PSD3: variants seen among roughly 807,000 people sequenced by gnomAD.
The protein encoded by PSD3 is PH and SEC7 domain-containing protein 3.
In PSD3, 49 loss-of-function variants were observed where a neutral mutation model predicts 105.5. The ratio of observed to expected loss-of-function variants is 0.46; its 90% CI spans 0.37 to 0.59. The LOEUF (loss-of-function observed/expected upper bound fraction) is 0.59. Among genes scored for constraint, PSD3 ranks in the 20% least tolerant of loss-of-function variants. The pLI, the probability that PSD3 is intolerant of heterozygous loss-of-function variation, is 0.00. For missense variants in PSD3, 1,561 were observed against 1,263.8 expected (o/e 1.24, Z -3.57); for synonymous variants, 557 against 457.8 (o/e 1.22, Z -2.77).
At chr8:18,915,582 C>G (rs1224754848) in intron 2 of PSD3, among the ~76,000 whole-genome samples, 1 of 152,130 alleles carries the variant, frequency 6.6e-6, no homozygotes, top group Non-Finnish European at 1.5e-5. Context: ...ACAGACATGT[C>G]TCAAAAGAAG....
At position 18,556,367 on chromosome 8, in the gene PSD3, G is replaced by A. The variant is rs1247889760; in HGVS notation, c.2785-15C>T. On this transcript the variant is annotated splice_polypyrimidine_tract_variant and intron_variant, in intron 14 of 15. Transcript: ENST00000327040. Reference sequence around the variant, plus strand: ...AGTTGCTCCTCCTGCAGGAAATCATGATGCCATTTAGCGTTCAAAAAAAAA... The same window carrying A: ...AGTTGCTCCTCCTGCAGGAAATCATAATGCCATTTAGCGTTCAAAAAAAAA... The A allele has an allele frequency of 6.2e-6, 10 of 1,603,820 alleles. No individual in the cohort carries two copies. The highest frequency in any genetic ancestry group is 8.5e-6 in the Non-Finnish European group (10 of 1,176,998).
chr8:18,623,467 A>G (rs1048320755), intron 11 of PSD3, among the ~76,000 whole-genome samples: 4 of 149,398 alleles, frequency 2.7e-5, no homozygotes, highest in Non-Finnish European at 4.5e-5. Flanking sequence ...AAAAAAAAAA[A>G]AAAGAAAAAG....
intron 9 of PSD3, among the ~76,000 whole-genome samples, chr8:18,676,063 T>C (rs77213166): frequency 0.025 from 3,758 of 152,264 alleles, 168 homozygotes; most frequent in East Asian, 0.15. Context: ...CGGCAGTGAC[T>C]ATCTTTAAAA....
At chr8:18,970,324 CAAAAAAA>C (rs11450922) in intron 1 of PSD3, among the ~76,000 whole-genome samples, 14 of 45,308 alleles carry the variant, frequency 3.1e-4, no homozygotes, top group East Asian at 1.5e-3. Context: ...GACTCTGCCT[CAAAAAAA>C]AAAAAAAAAA....
At chr8:18,651,326 A>G (rs1238369862) in intron 10 of PSD3, among the ~76,000 whole-genome samples, 2 of 152,190 alleles carry the variant, frequency 1.3e-5, no homozygotes, top group Non-Finnish European at 2.9e-5. Context: ...AACACTCAAT[A>G]ATTCTATCGT....
At chr8:18,933,227 T>TGCCTC (rs1821859665) in intron 2 of PSD3, among the ~76,000 whole-genome samples, 1 of 152,216 alleles carries the variant, frequency 6.6e-6, no homozygotes, top group African/African-American at 2.4e-5. Context: ...CATTTTGGTT[T>TGCCTC]GCCTCGGCTA....
intron 2 of PSD3, among the ~76,000 whole-genome samples, chr8:18,917,721 C>G (rs961536378): frequency 3.3e-5 from 5 of 152,102 alleles, no homozygotes; most frequent in Admixed American, 6.5e-5. Flanking sequence ...CCTTGCATTC[C>G]TGCTCTCAGG....
intron 4 of PSD3, chr8:18,854,369 C>T (rs1291570884): frequency 6.6e-6 from 1 of 152,502 alleles, no homozygotes; most frequent in Non-Finnish European, 1.5e-5. Context: ...AACACAGCTT[C>T]CCTCCAAGAG....
intron 9 of PSD3, among the ~76,000 whole-genome samples, chr8:18,750,649 G>A (rs532151388): frequency 1.3e-5 from 2 of 152,198 alleles, no homozygotes; most frequent in South Asian, 4.1e-4. Flanking sequence ...CCCACATCCT[G>A]CTGATTGGTA....
chr8:18,643,317 AAT>A (rs1563413735), intron 10 of PSD3, among the ~76,000 whole-genome samples: 1 of 152,198 alleles, frequency 6.6e-6, no homozygotes. Context: ...AGCCTTGCCT[AAT>A]GGTTGGGGGA....
intron 9 of PSD3, among the ~76,000 whole-genome samples, chr8:18,686,342 T>G (rs964499661): frequency 3.3e-5 from 5 of 152,236 alleles, no homozygotes; most frequent in Admixed American, 6.5e-5. Flanking sequence ...AGAGCCAGCA[T>G]GCAGATTCTC....
At chr8:18,644,052 G>T (rs1807851461) in intron 10 of PSD3, among the ~76,000 whole-genome samples, 1 of 152,168 alleles carries the variant, frequency 6.6e-6, no homozygotes, top group South Asian at 2.1e-4. Flanking sequence ...AAACCATTCT[G>T]CCCTCCTACA....
intron 9 of PSD3, among the ~76,000 whole-genome samples, chr8:18,716,730 T>C (rs1402868510): frequency 6.6e-6 from 1 of 152,228 alleles, no homozygotes; most frequent in African/African-American, 2.4e-5. Flanking sequence ...TGTAGTTCTA[T>C]AAACTGTTCT....
chr8:19,078,220 T>C (rs183922797), intron 1 of PSD3, among the ~76,000 whole-genome samples: 4 of 152,050 alleles, frequency 2.6e-5, no homozygotes, highest in East Asian at 3.9e-4. Flanking sequence ...CTTTCAAAGA[T>C]AAAATTTTTA....
At chr8:18,883,234 T>C (rs1400255518) in intron 2 of PSD3, among the ~76,000 whole-genome samples, 12 of 152,308 alleles carry the variant, frequency 7.9e-5, no homozygotes, top group Admixed American at 6.5e-4. Context: ...AATGCCTACT[T>C]TTTTATTTTA....
At chr8:18,725,326 A>C (rs1266443791) in intron 9 of PSD3, among the ~76,000 whole-genome samples, 8 of 152,250 alleles carry the variant, frequency 5.3e-5, no homozygotes. Flanking sequence ...CAGAAATATC[A>C]AAAGGAGAAA....
intron 1 of PSD3, among the ~76,000 whole-genome samples, chr8:18,991,847 T>G (rs1825823840): frequency 6.6e-6 from 1 of 152,210 alleles, no homozygotes; most frequent in South Asian, 2.1e-4. Flanking sequence ...GGCTGTGCTT[T>G]TATTGAATAT....
intron 4 of PSD3, among the ~76,000 whole-genome samples, chr8:18,857,493 A>G (rs1338071037): frequency 6.6e-6 from 1 of 152,210 alleles, no homozygotes. Context: ...AAAGCTATCC[A>G]TGTCCAGGTG....
At position 19,068,289 on chromosome 8, in the gene PSD3, CT is replaced by C. The variant is rs535166488; in HGVS notation, c.324+15916del. Among the ~76,000 whole-genome samples the C allele has an allele frequency of 1.2e-3, 174 of 144,630 alleles. 1 individual carries two copies. Among genetic ancestry groups the C allele is most frequent in the African/African-American group, 2.0e-3 (80 of 39,752 alleles). 94.9% of individuals were successfully genotyped at this position (144,630 alleles called of 152,430 possible). ...TTCTTCTCGCTCTACTCTTCCTCCT[CT>C]TTTTTTTTTTTTCTTTTTGAGACAG... On this transcript the variant is annotated intron_variant, in intron 1 of 1. Transcript: ENST00000521475.
Sources: allele counts gnomAD v4.1 joint callset (sites outside exome capture counted in the v4.1 genomes callset), GRCh38; gene constraint gnomAD v4.1.1; transcripts MANE v1.5; gene names NCBI Gene and HGNC (gene_info 2026-07-23, HGNC 2026-07-21).